Variants in SLAIN2 observed in about 807,000 individuals in gnomAD.
SLAIN2 encodes the protein SLAIN motif-containing protein 2.
SLAIN2 carries 31 observed loss-of-function variants against 56.6 expected under a neutral mutation model. The observed-to-expected ratio is 0.55, with a 90% CI of 0.41 to 0.74. The LOEUF (loss-of-function observed/expected upper bound fraction) is 0.74, where lower values mean the gene tolerates loss of function less well. Ranked by LOEUF, SLAIN2 falls within the 30% of genes least tolerant of loss-of-function variation. SLAIN2 has a pLI of 0.00. For missense variants in SLAIN2, 777 were observed against 754.2 expected (o/e 1.03, Z -0.35); for synonymous variants, 317 against 284.9 (o/e 1.11, Z -1.13).
chr4:48,382,991 C>T (rs1716009049), intron 5 of SLAIN2, 64 bp downstream of exon 5: 2 of 1,460,404 alleles, frequency 1.4e-6, no homozygotes, highest in Admixed American at 5.2e-5. Context: ...ATAGCAAGAC[C>T]CCGTCTCTAG....
chr4:48,385,439 T>C (rs1479351682), intron 6 of SLAIN2, among the ~76,000 whole-genome samples: 1 of 152,144 alleles, frequency 6.6e-6, no homozygotes, highest in Non-Finnish European at 1.5e-5. Flanking sequence ...AGGTACACAA[T>C]GGATGCATAT....
rs182655191 is a variant in SLAIN2 at position 48,369,771 on chromosome 4, A to G, written c.390-78A>G. ...TTTTACTCCCTTCTCCCCTATTTAA[A>G]TCGATCCAAAAGGATCCCTGTTTTA... On this transcript the variant is annotated intron_variant, in intron 1 of 7. Transcript: ENST00000264313. The G allele has an allele frequency of 5.7e-5, 79 of 1,377,874 alleles. No homozygotes were observed. In the East Asian group the frequency reaches 1.8e-3, roughly 32 times the overall value. The allele number at this position is 1,377,874 out of a possible 1,614,324, so 85.4% of individuals were successfully genotyped here.
At chr4:48,367,952 C>T (rs1460229308) in intron 1 of SLAIN2, among the ~76,000 whole-genome samples, 1 of 151,642 alleles carries the variant, frequency 6.6e-6, no homozygotes, top group Non-Finnish European at 1.5e-5. Context: ...CCCTAGGCAA[C>T]CACAAATCTC....
At chr4:48,376,619 CTTTTT>C (rs556187877) in intron 2 of SLAIN2, among the ~76,000 whole-genome samples, 1 of 107,564 alleles carries the variant, frequency 9.3e-6, no homozygotes. Context: ...TTCAGGTTGA[CTTTTT>C]TTTTTTTTTT....
chr4:48,376,970 A>G (rs1357046021), intron 2 of SLAIN2, among the ~76,000 whole-genome samples: 2 of 144,160 alleles, frequency 1.4e-5, no homozygotes, highest in Non-Finnish European at 3.0e-5. Context: ...AACTGGCTTA[A>G]TAATAGTCGG....
chr4:48,357,362 A>G (rs1715187085), intron 1 of SLAIN2, among the ~76,000 whole-genome samples: 1 of 149,122 alleles, frequency 6.7e-6, no homozygotes, highest in East Asian at 1.9e-4. Context: ...TGTTAAAATG[A>G]TTATATTTAA....
chr4:48,370,929 G>A (rs1419334613), intron 2 of SLAIN2, among the ~76,000 whole-genome samples: 2 of 152,164 alleles, frequency 1.3e-5, no homozygotes, highest in African/African-American at 2.4e-5. Flanking sequence ...AGAGGGGACA[G>A]TTAAAGTGGC....
chr4:48,376,009 C>T (rs1229276209), intron 2 of SLAIN2, among the ~76,000 whole-genome samples: 1 of 152,194 alleles, frequency 6.6e-6, no homozygotes, highest in African/African-American at 2.4e-5. Context: ...GTACTCATTT[C>T]ATTTTGCCTT....
chr4:48,342,176 G>A, intron 1 of SLAIN2, 48 bp downstream of exon 1: 3 of 1,329,816 alleles, frequency 2.3e-6, no homozygotes, highest in Non-Finnish European at 2.9e-6. Context: ...GGGCCCGGGG[G>A]CGGAGAGCGT....
chr4:48,374,586 G>A lies in SLAIN2; in HGVS notation c.539-3310G>A, dbSNP rs144663362. Among the ~76,000 whole-genome samples, 936 of 152,242 alleles carry A rather than the reference G, an allele frequency of 6.1e-3. 10 individuals carry two copies. The highest frequency in any genetic ancestry group is 0.021 in the African/African-American group (888 of 41,542). The stretch of plus-strand genomic sequence containing the variant: ...AAGAGCACTAGAAAAATATCGAAGG[G>A]TTTTCTGCAAGGGTGTAGTGTATGT... On this transcript the variant is annotated intron_variant, in intron 2 of 7. Coordinates refer to ENST00000264313, the MANE Select transcript of SLAIN2 (RefSeq NM_020846.2).
intron 2 of SLAIN2, among the ~76,000 whole-genome samples, chr4:48,370,671 T>C (rs1715639340): frequency 6.6e-6 from 1 of 152,234 alleles, no homozygotes; most frequent in South Asian, 2.1e-4. Context: ...TTTATAACAT[T>C]TAATGTAGCA....
intron 1 of SLAIN2, 121 bp from the exon 2 acceptor site, chr4:48,369,728 T>G (rs1221634337): frequency 1.2e-6 from 1 of 833,672 alleles, no homozygotes; most frequent in African/African-American, 1.7e-5. Context: ...GTGGGTGATT[T>G]AAAATATACT....
At position 48,342,035 on chromosome 4, in the gene SLAIN2, C is replaced by T. The variant is rs1248007313; in HGVS notation, c.296C>T (p.Ala99Val). The T allele has an allele frequency of 8.6e-6, 12 of 1,400,810 alleles. No individual in the cohort carries two copies. The highest frequency in any genetic ancestry group is 4.1e-4 in the Middle Eastern group (2 of 4,936). The allele number at this position is 1,400,810 out of a possible 1,614,324, so 86.8% of individuals were successfully genotyped here. The change falls in exon 1 of 8, where the codon GCG (alanine) becomes GTG (valine). Residue 99 changes from alanine to valine, a missense_variant. By Grantham distance (64) the Ala-to-Val change is moderately conservative. Transcript: ENST00000264313. The part of the protein sequence containing the change: ...EELRDATSLL[A>V]AGEGGLLDEV... The stretch of plus-strand genomic sequence containing the variant: ...CTGCGGGACGCCACCTCCTTGCTAG[C>T]GGCGGGCGAGGGCGGCTTGCTGGAC...
At chr4:48,345,673 A>G (rs1182162820) in intron 1 of SLAIN2, among the ~76,000 whole-genome samples, 2 of 150,932 alleles carry the variant, frequency 1.3e-5, no homozygotes, top group African/African-American at 2.4e-5. Flanking sequence ...TAAAGCTTTT[A>G]TTTTATTTTT....
At chr4:48,403,442 G>A (rs1716609964) in intron 6 of SLAIN2, among the ~76,000 whole-genome samples, 1 of 152,026 alleles carries the variant, frequency 6.6e-6, no homozygotes, top group Non-Finnish European at 1.5e-5. Context: ...CAGTGAGGAG[G>A]GATGGATCAG....
chr4:48,364,924 C>G (rs866801631), intron 1 of SLAIN2, among the ~76,000 whole-genome samples: 32 of 151,316 alleles, frequency 2.1e-4, no homozygotes, highest in Admixed American at 1.6e-3. Context: ...TTTTAAATTT[C>G]TAATTCAGTC....
intron 6 of SLAIN2, among the ~76,000 whole-genome samples, chr4:48,386,193 T>TA (rs2109765770): frequency 6.6e-6 from 1 of 152,218 alleles, no homozygotes; most frequent in Admixed American, 6.5e-5. Context: ...CATATGATAT[T>TA]ACTTATATAA....
At position 48,381,753 on chromosome 4, in the gene SLAIN2, G is replaced by A. The variant is rs78742540; in HGVS notation, c.863-815G>A. Among the ~76,000 whole-genome samples, 1,176 of 152,228 alleles carry A rather than the reference G, an allele frequency of 7.7e-3. 18 individuals are homozygous for A. Among genetic ancestry groups the A allele is most frequent in the African/African-American group, 0.027 (1,126 of 41,552 alleles). On this transcript the variant is annotated intron_variant, in intron 4 of 7. Coordinates refer to ENST00000264313, the MANE Select transcript of SLAIN2 (RefSeq NM_020846.2). ...AGGATTTGAATACCACTTTATAACA[G>A]ATCTTTTTGACTGGAGTGCTAATAG...
chr4:48,379,602 AG>A, intron 3 of SLAIN2, 87 bp from the exon 4 acceptor site: 1 of 1,045,276 alleles, frequency 9.6e-7, no homozygotes. Flanking sequence ...ATTAAATCAA[AG>A]GGTATAATAT....
Sources: gnomAD v4.1 joint callset for allele counts (sites outside exome capture counted in the v4.1 genomes callset) on GRCh38, gnomAD v4.1.1 for gene constraint, MANE v1.5 for transcripts, NCBI Gene and HGNC (gene_info 2026-07-23, HGNC 2026-07-21) for gene names.